CMAS: variants seen among roughly 807,000 people sequenced by gnomAD.
CMAS encodes the protein N-acylneuraminate cytidylyltransferase.
Under a neutral mutation model 53.4 loss-of-function variants are expected in CMAS, and 21 were observed. The ratio of observed to expected loss-of-function variants is 0.39; its 90% CI spans 0.28 to 0.57. The LOEUF is 0.57. CMAS is among the 20% of genes least tolerant of loss of function. The pLI, the probability that CMAS is intolerant of heterozygous loss-of-function variation, is 0.56. For missense variants in CMAS, 384 were observed against 534.9 expected (o/e 0.72, Z 2.78); for synonymous variants, 189 against 195.2 (o/e 0.97, Z 0.27).
chr12:22,062,459 A>G (rs1488943257), intron 7 of CMAS, 25 bp downstream of exon 7: 2 of 1,601,264 alleles, frequency 1.2e-6, no homozygotes, highest in South Asian at 1.1e-5. Flanking sequence ...ATTCACCCAT[A>G]GTAAAATGGA....
At chr12:22,054,342 G>C (rs1019877309) in intron 1 of CMAS, among the ~76,000 whole-genome samples, 2 of 152,160 alleles carry the variant, frequency 1.3e-5, no homozygotes, top group Non-Finnish European at 2.9e-5. Context: ...ACAGCATTTT[G>C]CCTACTCATC....
rs1222337663 is a variant in CMAS, at chr12:22,046,290, G to A, written c.-14G>A. ...CCGGATGTGGAGAAGCTGGGGAGAA[G>A]GCGTGGGAGGAAGATGGACTCGGTG... On this transcript the variant is annotated 5_prime_UTR_variant, in exon 1 of 8. Coordinates refer to ENST00000229329, the MANE Select transcript of CMAS (RefSeq NM_018686.6). 1 of 1,446,538 alleles carries A rather than the reference G, an allele frequency of 6.9e-7. No individual in the cohort carries two copies. The highest frequency in any genetic ancestry group is 2.8e-5 in the East Asian group (1 of 35,792). The allele number at this position is 1,446,538 out of a possible 1,614,324, so 89.6% of individuals were successfully genotyped here. A position where few individuals can be genotyped will look rare whatever the true frequency, so the allele number is the denominator to read the frequency against.
chr12:22,056,824 A>T (rs1175390545), intron 3 of CMAS, among the ~76,000 whole-genome samples: 1 of 152,272 alleles, frequency 6.6e-6, no homozygotes, highest in Non-Finnish European at 1.5e-5. Flanking sequence ...TGATTATGCA[A>T]AGCTTGATCT....
chr12:22,046,672 ATC>A (rs1190395535), intron 1 of CMAS, 109 bp downstream of exon 1: 3 of 1,265,080 alleles, frequency 2.4e-6, no homozygotes, highest in African/African-American at 1.6e-5. Flanking sequence ...GAAGGGGGCC[ATC>A]TCTCATGCCA....
intron 1 of CMAS, among the ~76,000 whole-genome samples, chr12:22,046,814 C>A (rs1014993376): frequency 6.6e-6 from 1 of 152,234 alleles, no homozygotes; most frequent in Non-Finnish European, 1.5e-5. Context: ...CCTTGAGAAT[C>A]ATCCGTAAAA....
chr12:22,053,387 A>G (rs888782126), intron 1 of CMAS, among the ~76,000 whole-genome samples: 2 of 150,306 alleles, frequency 1.3e-5, no homozygotes, highest in Non-Finnish European at 2.9e-5. Flanking sequence ...ATATGTATAC[A>G]TATACACACA....
chr12:22,057,076 GT>G (rs373245960), intron 3 of CMAS, among the ~76,000 whole-genome samples: 1 of 152,104 alleles, frequency 6.6e-6, no homozygotes, highest in African/African-American at 2.4e-5. Flanking sequence ...ATTTGCTAAG[GT>G]TTTTTCCTGG....
chr12:22,054,801 C>T (rs1198193878), intron 1 of CMAS, among the ~76,000 whole-genome samples: 2 of 151,954 alleles, frequency 1.3e-5, no homozygotes, highest in African/African-American at 4.8e-5. Flanking sequence ...TGCAGGGGTT[C>T]GGTGTACAGA....
intron 7 of CMAS, 54 bp downstream of exon 7, chr12:22,062,488 C>T (rs142879644): frequency 6.5e-6 from 10 of 1,548,986 alleles, no homozygotes; most frequent in South Asian, 4.6e-5. Flanking sequence ...TAATTATTTA[C>T]TTATTTTTAA....
chr12:22,061,146 A>G, intron 5 of CMAS, 135 bp from the exon 6 acceptor site: 1 of 718,196 alleles, frequency 1.4e-6, no homozygotes, highest in Non-Finnish European at 2.4e-6. Flanking sequence ...GTTAAAATAT[A>G]TATGTGAAGT....
intron 7 of CMAS, among the ~76,000 whole-genome samples, chr12:22,064,415 T>C (rs1950331148): frequency 6.6e-6 from 1 of 152,078 alleles, no homozygotes; most frequent in South Asian, 2.1e-4. Flanking sequence ...CATTACAGAT[T>C]AAAAGAGATT....
chr12:22,064,732 T>C (rs543560225), intron 7 of CMAS, among the ~76,000 whole-genome samples: 2 of 152,292 alleles, frequency 1.3e-5, no homozygotes, highest in South Asian at 4.1e-4. Flanking sequence ...ACAATATTAC[T>C]AAGTGATTTT....
chr12:22,055,064 G>A (rs1950259488), intron 1 of CMAS, 85 bp from the exon 2 acceptor site: 1 of 935,172 alleles, frequency 1.1e-6, no homozygotes. Flanking sequence ...CATTATATAA[G>A]CTGTATTTTA....
rs1950340577 is a variant in CMAS, at chr12:22,065,395, G to T, written c.*84G>T. ...TTTTTGATTAAGTAAATTCCATGTT[G>T]TAATGTTACAGAGAGTGTGATTTGG... On this transcript the variant is annotated 3_prime_UTR_variant, in exon 8 of 8. Transcript: ENST00000229329. 3.8e-6 allele frequency: 4 copies of T among 1,054,328 alleles called. No individual in the cohort carries two copies. The highest frequency in any genetic ancestry group is 5.7e-6 in the Non-Finnish European group (4 of 707,916). The allele number at this position is 1,054,328 out of a possible 1,614,324, so 65.3% of individuals were successfully genotyped here. A position where few individuals can be genotyped will look rare whatever the true frequency, so the allele number is the denominator to read the frequency against.
At chr12:22,052,567 CTT>C (rs1950243833) in intron 1 of CMAS, among the ~76,000 whole-genome samples, 1 of 152,082 alleles carries the variant, frequency 6.6e-6, no homozygotes, top group African/African-American at 2.4e-5. Flanking sequence ...ATTACCATGT[CTT>C]TTGCCTTCCC....
chr12:22,050,238 C>A (rs1043908053), intron 1 of CMAS, among the ~76,000 whole-genome samples: 1 of 152,172 alleles, frequency 6.6e-6, no homozygotes, highest in African/African-American at 2.4e-5. Context: ...ATTTGAATTC[C>A]AGCATCACCA....
chr12:22,046,599 CG>C (rs1157251515), intron 1 of CMAS, 36 bp downstream of exon 1: 3 of 1,468,978 alleles, frequency 2.0e-6, no homozygotes, highest in Admixed American at 2.4e-5. Flanking sequence ...GCGGCCTGGG[CG>C]GGGGTCGGGA....
At position 22,046,486 on chromosome 12, in the gene CMAS, G is replaced by A; in HGVS notation, c.183G>A (p.Lys61=). The A allele has an allele frequency of 6.2e-7, 1 of 1,609,926 alleles. No individual in the cohort carries two copies. Residue 61 remains lysine, a synonymous_variant, in exon 1 of 8, where the codon AAG becomes AAA. Transcript: ENST00000229329. ...GAGGCAGCAAAGGCATCCCCCTGAAGAACATTAAGCACCTGGCGGGGGTCC... is the reference window on the plus strand; with the variant it reads ...GAGGCAGCAAAGGCATCCCCCTGAAAAACATTAAGCACCTGGCGGGGGTCC... ...ARGGSKGIPL[K]NIKHLAGVPL...
Position 22,065,313 on chromosome 12 carries a change from A to C in CMAS, c.*2A>C, listed in dbSNP as rs895013720. The C allele has an allele frequency of 6.2e-7, 1 of 1,606,204 alleles. No homozygotes were observed. Among genetic ancestry groups the C allele is most frequent in the African/African-American group, 1.3e-5 (1 of 74,844 alleles). On this transcript the variant is annotated 3_prime_UTR_variant, in exon 8 of 8. Coordinates refer to ENST00000229329, the MANE Select transcript of CMAS (RefSeq NM_018686.6). ...GTTAATAATTCATGCCAAAAATAGA[A>C]ATTAGCGTAATATTGAGAAAAAAAT...
Sources: gnomAD v4.1 joint callset for allele counts (sites outside exome capture counted in the v4.1 genomes callset) on GRCh38, gnomAD v4.1.1 for gene constraint, MANE v1.5 for transcripts, NCBI Gene and HGNC (gene_info 2026-07-23, HGNC 2026-07-21) for gene names.